HIPK2: variants seen among roughly 807,000 people sequenced by gnomAD.
HIPK2 encodes homeodomain interacting protein kinase 2.
In HIPK2, 27 loss-of-function variants were observed where a neutral mutation model predicts 113.7. That is an observed-to-expected ratio of 0.24 (90% CI 0.17 to 0.33). The LOEUF (loss-of-function observed/expected upper bound fraction) is 0.33, where lower values mean the gene tolerates loss of function less well. Ranked by LOEUF, HIPK2 falls within the 10% of genes least tolerant of loss-of-function variation. The probability of loss-of-function intolerance (pLI) is 1.00; values close to 1 mark genes in which losing one functional copy is unlikely to be tolerated. For synonymous variants in HIPK2, 631 were observed against 642.2 expected, an observed-to-expected ratio of 0.98 and a Z score of 0.26; for missense variants, 1,257 against 1,588.0, an observed-to-expected ratio of 0.79 and a Z score of 3.54.
chr7:139,726,773 T>G (rs2117007336), intron 1 of HIPK2, among the ~76,000 whole-genome samples: 2 of 152,228 alleles, frequency 1.3e-5, no homozygotes, highest in Middle Eastern at 6.8e-3. Flanking sequence ...GAGAGCAAGG[T>G]GACCCTGAAC....
At chr7:139,736,760 A>T (rs1795950187) in intron 1 of HIPK2, among the ~76,000 whole-genome samples, 1 of 152,214 alleles carries the variant, frequency 6.6e-6, no homozygotes, top group Non-Finnish European at 1.5e-5. Flanking sequence ...AGGCCAATCA[A>T]AGCCATTTAC....
intron 1 of HIPK2, among the ~76,000 whole-genome samples, chr7:139,756,986 C>T (rs1481469290): frequency 1.3e-5 from 2 of 152,158 alleles, no homozygotes; most frequent in Admixed American, 6.5e-5. Context: ...ATGAACTGAT[C>T]CATCTCATTC....
In HIPK2 at chr7:139,596,680, G is replaced by A. The variant is rs139175618; in HGVS notation, c.2717+37C>T. On this transcript the variant is annotated intron_variant, in intron 12 of 14. Coordinates refer to ENST00000406875, the MANE Select transcript of HIPK2 (RefSeq NM_022740.5). ...ATCTGCACACAATGCAAACCCTCCC[G>A]GCTCCTTCCTGGAAGGCTAAGGTGG... 1,437 of 1,599,010 alleles carry A rather than the reference G, an allele frequency of 9.0e-4. 13 individuals carry two copies. In the African/African-American group the frequency reaches 0.016, roughly 18 times the overall value.
chr7:139,754,473 A>G (rs1796332711), intron 1 of HIPK2, among the ~76,000 whole-genome samples: 1 of 152,242 alleles, frequency 6.6e-6, no homozygotes, highest in Non-Finnish European at 1.5e-5. Context: ...CTGTGCACAG[A>G]GCAAGAAAGC....
chr7:139,587,586 G>A (rs1044807470), intron 12 of HIPK2, among the ~76,000 whole-genome samples: 5 of 151,958 alleles, frequency 3.3e-5, no homozygotes, highest in Non-Finnish European at 7.4e-5. Context: ...CAGAGGGTGG[G>A]AGGGCACTGA....
Position 139,630,900 on chromosome 7 carries a change from C to G in HIPK2, c.1347+265G>C, listed in dbSNP as rs553025617. ...GGCAGAGTGGGGTTCGTTTCTCTCC[C>G]TAGCACAAATCAGACAGTCATCAAG... On this transcript the variant is annotated intron_variant, in intron 4 of 14. Transcript: ENST00000406875. This position sits in a 1 kb window ranked among gnomAD's most constrained non-coding sequence, Gnocchi z 4.0. Among the ~76,000 whole-genome samples the G allele has an allele frequency of 3.9e-5, 6 of 152,350 alleles. No homozygotes were observed. The highest frequency in any genetic ancestry group is 1.2e-4 in the African/African-American group (5 of 41,588).
intron 7 of HIPK2, among the ~76,000 whole-genome samples, chr7:139,616,777 G>C (rs1014884939): frequency 6.6e-6 from 1 of 152,244 alleles, no homozygotes; most frequent in Non-Finnish European, 1.5e-5. Flanking sequence ...GGGAGGGGCT[G>C]TGTCTTAGTG....
chr7:139,729,795 T>C (rs1170435361), intron 1 of HIPK2, among the ~76,000 whole-genome samples: 1 of 152,230 alleles, frequency 6.6e-6, no homozygotes, highest in Non-Finnish European at 1.5e-5. Context: ...CTGCTTACCT[T>C]GTCCCTGAAA....
intron 6 of HIPK2, among the ~76,000 whole-genome samples, chr7:139,625,239 T>G (rs1360364125): frequency 6.6e-6 from 1 of 152,188 alleles, no homozygotes; most frequent in Non-Finnish European, 1.5e-5. Context: ...CATGAAAGGT[T>G]GCTATTTCTT....
At position 139,748,768 on chromosome 7, in the gene HIPK2, G is replaced by A. The variant is rs1796231583; in HGVS notation, c.19+28837C>T. Among the ~76,000 whole-genome samples the A allele has an allele frequency of 1.3e-5, 2 of 152,138 alleles. 1 individual carries two copies. The highest frequency in any genetic ancestry group is 1.3e-4 in the Admixed American group (2 of 15,284). ...GTACTGGGGGTTAGGACTTCAACAT[G>A]TGAGTGGGGAGGGGGACACAAAATT... On this transcript the variant is annotated intron_variant, in intron 1 of 14. Coordinates refer to ENST00000406875, the MANE Select transcript of HIPK2 (RefSeq NM_022740.5).
chr7:139,707,642 G>A (rs1372562864), intron 2 of HIPK2, among the ~76,000 whole-genome samples: 2 of 152,204 alleles, frequency 1.3e-5, no homozygotes, highest in African/African-American at 4.8e-5. Flanking sequence ...CGCAGACTGG[G>A]GACAGATACT....
At chr7:139,648,116 C>A (rs1458730087) in intron 2 of HIPK2, among the ~76,000 whole-genome samples, 3 of 152,350 alleles carry the variant, frequency 2.0e-5, no homozygotes, top group South Asian at 2.1e-4. Context: ...CCAAATTCCA[C>A]CCCCAGTCTG....
chr7:139,628,660 C>A (rs1410527209), intron 5 of HIPK2, among the ~76,000 whole-genome samples: 1 of 152,224 alleles, frequency 6.6e-6, no homozygotes, highest in African/African-American at 2.4e-5. Flanking sequence ...TCTTGAACTC[C>A]TGACCTAAGG....
intron 2 of HIPK2, among the ~76,000 whole-genome samples, chr7:139,659,915 A>AT (rs1801809173): frequency 6.6e-6 from 1 of 152,250 alleles, no homozygotes; most frequent in South Asian, 2.1e-4. Flanking sequence ...AGACCTATTT[A>AT]TAGCTTCCCA....
chr7:139,733,694 G>A (rs914937354), intron 1 of HIPK2, among the ~76,000 whole-genome samples: 3 of 152,138 alleles, frequency 2.0e-5, no homozygotes, highest in Non-Finnish European at 2.9e-5. Context: ...ATCCTAATAC[G>A]TTGTCTTGCA....
At position 139,613,465 on chromosome 7, in the gene HIPK2, C is replaced by G; in HGVS notation, c.1991-142G>C. ...GACAACAACCAGGTATTGCCTGGTC[C>G]TTGGAAGTCTCCCCTTTGGCTTCTA... is the stretch of plus-strand genomic sequence containing the variant. On this transcript the variant is annotated intron_variant, in intron 8 of 14. Coordinates refer to ENST00000406875, the MANE Select transcript of HIPK2 (RefSeq NM_022740.5). This position sits in a 1 kb window ranked among gnomAD's most constrained non-coding sequence, Gnocchi z 4.2. 1.2e-5 allele frequency: 11 copies of G among 906,990 alleles called. No homozygotes were observed. Among genetic ancestry groups the G allele is most frequent in the African/African-American group, 1.7e-5 (1 of 59,152 alleles). 56.2% of individuals were successfully genotyped at this position (906,990 alleles called of 1,614,324 possible).
intron 2 of HIPK2, among the ~76,000 whole-genome samples, chr7:139,632,171 A>G (rs191749057): frequency 8.5e-5 from 13 of 152,308 alleles, no homozygotes; most frequent in Admixed American, 2.0e-4. Context: ...ATGGGAACTC[A>G]CTATGTTGCC....
At chr7:139,741,813 G>A (rs1265833398) in intron 1 of HIPK2, among the ~76,000 whole-genome samples, 4 of 152,154 alleles carry the variant, frequency 2.6e-5, no homozygotes, top group South Asian at 2.1e-4. Context: ...AATATGGTTC[G>A]TCTTTTGAAA....
intron 12 of HIPK2, among the ~76,000 whole-genome samples, chr7:139,585,692 T>C (rs1286839494): frequency 6.6e-6 from 1 of 152,236 alleles, no homozygotes; most frequent in African/African-American, 2.4e-5. Context: ...CTTTCAATGA[T>C]ACACAACACA....
Sources: allele counts gnomAD v4.1 joint callset (sites outside exome capture counted in the v4.1 genomes callset), GRCh38; gene constraint gnomAD v4.1.1; non-coding constraint Gnocchi (gnomAD v3.1); transcripts MANE v1.5; gene names NCBI Gene and HGNC (gene_info 2026-07-23, HGNC 2026-07-21).